Variants in NUP98 observed in about 807,000 individuals in gnomAD.
NUP98 encodes the protein nucleoporin 98 and 96 precursor.
NUP98 carries 26 observed loss-of-function variants against 191.9 expected under a neutral mutation model. The observed-to-expected ratio is 0.14, with a 90% CI of 0.10 to 0.19. NUP98 has a LOEUF of 0.19. Among genes scored for constraint, NUP98 ranks in the 10% least tolerant of loss-of-function variants. NUP98 has a pLI of 1.00. For synonymous variants in NUP98, 808 were observed against 778.4 expected (o/e 1.04, Z -0.63); for missense variants, 1,941 against 2,178.8 (o/e 0.89, Z 2.17).
rs931161507 is a variant in NUP98, at chr11:3,688,263, G to A, written c.4455-2069C>T. ...ACCCCGTCTCTACTAAAAATTAGCC[G>A]GGCGTGGTGGTGGGTGCCTGTAGTC... On this transcript the variant is annotated intron_variant, in intron 28 of 32. Transcript: ENST00000324932. Among the ~76,000 whole-genome samples, 4 of 152,020 alleles carry A rather than the reference G, an allele frequency of 2.6e-5. No homozygotes were observed. In the East Asian group the frequency reaches 7.7e-4, roughly 29 times the overall value.
At chr11:3,762,803 C>A in intron 9 of NUP98, 99 bp downstream of exon 9, 2 of 1,259,136 alleles carry the variant, frequency 1.6e-6, no homozygotes, top group South Asian at 1.5e-5. Flanking sequence ...AATAATACAC[C>A]CAATAAAAAT....
At chr11:3,746,664 G>A (rs111762347) in intron 11 of NUP98, among the ~76,000 whole-genome samples, 2,994 of 151,894 alleles carry the variant, frequency 0.02, 60 homozygotes, top group African/African-American at 0.027. Flanking sequence ...TGTAATCCTA[G>A]CACTGTGGGA....
rs2078555397 is a variant in NUP98 at position 3,697,775 on chromosome 11, C to T, written c.4009+1307G>A. On this transcript the variant is annotated intron_variant, in intron 25 of 32. Transcript: ENST00000324932. ...AGGTTGCAGTGAGCTGAGATCGTTCCACTGCACTCCAGCAGTCTGGTAAAC... is the reference window on the plus strand; with the variant it reads ...AGGTTGCAGTGAGCTGAGATCGTTCTACTGCACTCCAGCAGTCTGGTAAAC... 1.4e-5 allele frequency among the ~76,000 whole-genome samples: 2 copies of T among 143,644 alleles called. 1 individual carries two copies. Among genetic ancestry groups the T allele is most frequent in the South Asian group, 4.3e-4 (2 of 4,626 alleles). The allele number at this position is 143,644 out of a possible 152,430, so 94.2% of individuals were successfully genotyped here. A position where few individuals can be genotyped will look rare whatever the true frequency, so the allele number is the denominator to read the frequency against.
rs770581766 is a variant in NUP98 at position 3,688,423 on chromosome 11, A to G, written c.4455-2229T>C. 8.5e-4 allele frequency among the ~76,000 whole-genome samples: 128 copies of G among 151,030 alleles called. 1 individual carries two copies. The highest frequency in any genetic ancestry group is 1.4e-3 in the Non-Finnish European group (96 of 67,730). ...TCCATCTCAAAAAATAATAATAATA[A>G]TAAAATAAATAAATAAAAACCAGTA... On this transcript the variant is annotated intron_variant, in intron 28 of 32. Coordinates refer to ENST00000324932, the MANE Select transcript of NUP98 (RefSeq NM_016320.5).
At chr11:3,718,434 G>A (rs1199258953) in intron 18 of NUP98, among the ~76,000 whole-genome samples, 1 of 152,090 alleles carries the variant, frequency 6.6e-6, no homozygotes, top group Non-Finnish European at 1.5e-5. Context: ...TACTCTGGAG[G>A]CTGAGGCAGG....
At chr11:3,776,121 ATTTTTTT>A in intron 4 of NUP98, 100 bp from the exon 5 acceptor site, 1 of 538,260 alleles carries the variant, frequency 1.9e-6, no homozygotes, top group Non-Finnish European at 3.1e-6. Context: ...ACAGTACTTC[ATTTTTTT>A]TTTTTTTTTT....
chr11:3,690,454 G>A (rs749552503), intron 28 of NUP98, among the ~76,000 whole-genome samples: 10 of 151,282 alleles, frequency 6.6e-5, no homozygotes, highest in Non-Finnish European at 1.2e-4. Flanking sequence ...TAGAGACAGG[G>A]TTTCACTGTG....
chr11:3,706,440 T>C lies in NUP98; in HGVS notation c.2925+5A>G. 1 of 1,613,942 alleles carries C rather than the reference T, an allele frequency of 6.2e-7. No individual in the cohort carries two copies. The highest frequency in any genetic ancestry group is 2.2e-5 in the East Asian group (1 of 44,888). The stretch of plus-strand genomic sequence containing the variant: ...TGTTACAAAAAAGGTGGGTTAGAAC[T>C]TCACCTGTAAGACATGTGGATTAAT... On this transcript the variant is annotated splice_donor_5th_base_variant and intron_variant, in intron 21 of 32. Coordinates refer to ENST00000324932, the MANE Select transcript of NUP98 (RefSeq NM_016320.5).
chr11:3,789,050 A>G (rs902237846), intron 1 of NUP98, among the ~76,000 whole-genome samples: 7 of 152,208 alleles, frequency 4.6e-5, no homozygotes, highest in African/African-American at 1.7e-4. Context: ...TTCCTCTGCC[A>G]CTTGCTACTG....
intron 10 of NUP98, 75 bp downstream of exon 10, chr11:3,760,464 G>C (rs550614554): frequency 5.0e-5 from 81 of 1,610,722 alleles, no homozygotes; most frequent in Middle Eastern, 1.7e-4. Context: ...CTTTAAGAGA[G>C]CCAAACCTGC....
intron 1 of NUP98, among the ~76,000 whole-genome samples, chr11:3,789,573 T>A (rs1258206873): frequency 6.7e-6 from 1 of 149,798 alleles, no homozygotes; most frequent in Non-Finnish European, 1.5e-5. Flanking sequence ...TGGAATGCAG[T>A]GGCATGATCA....
Position 3,763,326 on chromosome 11 carries a change from C to G in NUP98, c.949-287G>C, listed in dbSNP as rs112220445. ...CCTGTTCTTCCCAGGATGATGAACT[C>G]CAAGGTCTTAGGCGTCTATTAAATA... On this transcript the variant is annotated intron_variant, in intron 8 of 32. Coordinates refer to ENST00000324932, the MANE Select transcript of NUP98 (RefSeq NM_016320.5). Among the ~76,000 whole-genome samples the G allele has an allele frequency of 2.8e-3, 419 of 152,206 alleles. 3 individuals carry two copies. The highest frequency in any genetic ancestry group is 9.2e-3 in the African/African-American group (382 of 41,546).
intron 2 of NUP98, 128 bp from the exon 3 acceptor site, chr11:3,779,385 T>C (rs1403975645): frequency 2.5e-5 from 20 of 805,606 alleles, no homozygotes; most frequent in Non-Finnish European, 3.5e-5. Context: ...CTCACGCCTG[T>C]AATCCCAGCA....
intron 18 of NUP98, among the ~76,000 whole-genome samples, chr11:3,716,145 T>C (rs2079172926): frequency 6.6e-6 from 1 of 152,184 alleles, no homozygotes; most frequent in Non-Finnish European, 1.5e-5. Context: ...TGAGAAATCA[T>C]TGCCAAAACC....
chr11:3,728,903 G>C (rs966916405), intron 14 of NUP98, among the ~76,000 whole-genome samples: 26 of 152,152 alleles, frequency 1.7e-4, no homozygotes, highest in African/African-American at 5.6e-4. Flanking sequence ...AGGATTTGCT[G>C]ATAACTTAGA....
At chr11:3,772,992 A>C (rs1239615433) in intron 6 of NUP98, among the ~76,000 whole-genome samples, 1 of 151,948 alleles carries the variant, frequency 6.6e-6, no homozygotes, top group African/African-American at 2.4e-5. Flanking sequence ...CAAACAAACA[A>C]AAAAAACAAA....
At position 3,723,229 on chromosome 11, in the gene NUP98, A is replaced by C. The variant is rs1287284720; in HGVS notation, c.2074T>G (p.Ser692Ala). The C allele has an allele frequency of 6.2e-7, 1 of 1,614,160 alleles. No homozygotes were observed. The highest frequency in any genetic ancestry group is 8.5e-7 in the Non-Finnish European group (1 of 1,180,022). The change falls in exon 16 of 33, where the codon TCT becomes GCT. Residue 692 changes from serine to alanine, a missense_variant. This residue lies in a region of NUP98 where 453 missense variants were observed against 438.2 expected (regional missense o/e 1.03). Transcript: ENST00000324932. ...TCCTGAAGTGACTCATCATGAAAAGACGTTTCTTCACTGCTTCCTTCCAGC... is the reference window on the plus strand; with the variant it reads ...TCCTGAAGTGACTCATCATGAAAAGCCGTTTCTTCACTGCTTCCTTCCAGC... The part of the protein sequence containing the change: ...NGLEGSSEET[S>A]FHDESLQDDR...
chr11:3,758,877 A>C (rs944124021), intron 10 of NUP98, among the ~76,000 whole-genome samples: 1 of 152,232 alleles, frequency 6.6e-6, no homozygotes, highest in Non-Finnish European at 1.5e-5. Context: ...CGGTTGTTTC[A>C]AACAGAGTTT....
intron 11 of NUP98, among the ~76,000 whole-genome samples, chr11:3,751,298 C>T (rs962634189): frequency 2.6e-5 from 4 of 152,130 alleles, no homozygotes; most frequent in Non-Finnish European, 5.9e-5. Context: ...GCGGAGGCTG[C>T]GGTGAGCCGA....
Sources: allele counts gnomAD v4.1 joint callset (sites outside exome capture counted in the v4.1 genomes callset), GRCh38; gene constraint gnomAD v4.1.1; regional missense constraint gnomAD v4.1.1; transcripts MANE v1.5; gene names NCBI Gene and HGNC (gene_info 2026-07-23, HGNC 2026-07-21).